USP13: variants seen among roughly 807,000 people sequenced by gnomAD.
USP13 encodes ubiquitin carboxyl-terminal hydrolase 13.
In USP13, 68 loss-of-function variants were observed where a neutral mutation model predicts 107.8. That is an observed-to-expected ratio of 0.63 (90% CI 0.52 to 0.77). The LOEUF is 0.77. USP13 is among the 30% of genes least tolerant of loss of function. The probability of loss-of-function intolerance (pLI) is 0.00; values close to 1 mark genes in which losing one functional copy is unlikely to be tolerated. For missense variants in USP13, 945 were observed against 1,093.3 expected, an observed-to-expected ratio of 0.86 and a Z score of 1.91; for synonymous variants, 377 against 389.5, an observed-to-expected ratio of 0.97 and a Z score of 0.38.
chr3:179,682,593 G>A (rs1561842), intron 2 of USP13, among the ~76,000 whole-genome samples: 86,181 of 151,932 alleles, frequency 0.57, 25,706 homozygotes, highest in Admixed American at 0.69. Flanking sequence ...TTTTCCCCTC[G>A]GCATCCAAAT....
At chr3:179,687,684 A>AAAAAAAAAAAAAAAAAAC (rs1711925625) in intron 2 of USP13, among the ~76,000 whole-genome samples, 1 of 144,396 alleles carries the variant, frequency 6.9e-6, no homozygotes, top group African/African-American at 2.6e-5. Context: ...AAAAAAAAAA[A>AAAAAAAAAAAAAAAAAAC]AGGACTAGTG....
At chr3:179,716,171 G>T (rs187789225) in intron 6 of USP13, among the ~76,000 whole-genome samples, 1 of 152,004 alleles carries the variant, frequency 6.6e-6, no homozygotes, top group East Asian at 1.9e-4. Context: ...TGATCCACCT[G>T]CCTTGGCCTC....
rs144495441 is a variant in USP13, at chr3:179,722,003, T to C, written c.1088+414T>C. Reference sequence around the variant, plus strand: ...ATCACTTGAACTCAGGAGGCAGAGGTTGCAGTGAGCCAAGATCATGCCACT... The same window carrying C: ...ATCACTTGAACTCAGGAGGCAGAGGCTGCAGTGAGCCAAGATCATGCCACT... On this transcript the variant is annotated intron_variant, in intron 8 of 20. Coordinates refer to ENST00000263966, the MANE Select transcript of USP13 (RefSeq NM_003940.3). 3.7e-3 allele frequency among the ~76,000 whole-genome samples: 558 copies of C among 150,902 alleles called. 4 individuals carry two copies. Among genetic ancestry groups the C allele is most frequent in the African/African-American group, 0.013 (536 of 40,992 alleles).
At chr3:179,688,485 A>G (rs915411237) in intron 2 of USP13, among the ~76,000 whole-genome samples, 2 of 152,234 alleles carry the variant, frequency 1.3e-5, no homozygotes, top group Admixed American at 1.3e-4. Flanking sequence ...TCTGAGCTCC[A>G]GCATAGAATC....
At chr3:179,745,814 C>T (rs1049383922) in intron 13 of USP13, among the ~76,000 whole-genome samples, 1 of 152,124 alleles carries the variant, frequency 6.6e-6, no homozygotes, top group East Asian at 1.9e-4. Context: ...CAGGAAGTCT[C>T]CTGAGCATTG....
rs964315938 is a variant in USP13 at position 179,659,514 on chromosome 3, T to C, written c.168+6121T>C. ...TGCATGATTCTGAGACATGCCAAAGTTTGAGACCGAGTGATAGGGCACTTA... is the reference window on the plus strand; with the variant it reads ...TGCATGATTCTGAGACATGCCAAAGCTTGAGACCGAGTGATAGGGCACTTA... On this transcript the variant is annotated intron_variant, in intron 1 of 20. Transcript: ENST00000263966. Among the ~76,000 whole-genome samples the C allele has an allele frequency of 1.2e-4, 19 of 152,268 alleles. No homozygotes were observed. The East Asian group carries it at 3.7e-3, about 29-fold the overall frequency.
At chr3:179,688,194 A>AATCCATCCATCC (rs1214610213) in intron 2 of USP13, among the ~76,000 whole-genome samples, 140 of 48,184 alleles carry the variant, frequency 2.9e-3, no homozygotes, top group African/African-American at 4.8e-3. Flanking sequence ...TCCATTCATC[A>AATCCATCCATCC]ATCCATCCAT....
intron 1 of USP13, among the ~76,000 whole-genome samples, chr3:179,673,915 G>A (rs534850714): frequency 6.6e-6 from 1 of 152,052 alleles, no homozygotes; most frequent in Non-Finnish European, 1.5e-5. Flanking sequence ...TTCTTGAGAC[G>A]GAGTTTCGCT....
Position 179,754,805 on chromosome 3 carries a change from A to G in USP13, c.1872A>G (p.Glu624=). The G allele has an allele frequency of 6.2e-7, 1 of 1,613,304 alleles. No individual in the cohort carries two copies. Among genetic ancestry groups the G allele is most frequent in the African/African-American group, 1.3e-5 (1 of 75,014 alleles). ...CCAGGGGGTTACAGCCAGGAGAGGA[A>G]GAACTTCCAGACATCAGCCCCCCCA... ...LRARGLQPGE[E]ELPDISPPIV... is the part of the protein sequence containing the mutation. Residue 624 remains glutamate, a synonymous_variant, in exon 15 of 21, where the codon GAA becomes GAG. Transcript: ENST00000263966.
intron 13 of USP13, among the ~76,000 whole-genome samples, chr3:179,751,042 C>T (rs1714594010): frequency 6.6e-6 from 1 of 152,154 alleles, no homozygotes; most frequent in South Asian, 2.1e-4. Context: ...GGAGGATATT[C>T]TAGAATTTTT....
chr3:179,700,071 A>C (rs1255152507), intron 3 of USP13, among the ~76,000 whole-genome samples: 2 of 152,114 alleles, frequency 1.3e-5, no homozygotes, highest in Non-Finnish European at 2.9e-5. Context: ...ATGATCTGGG[A>C]TGCTGGCATC....
chr3:179,676,836 C>T (rs1487536080), intron 1 of USP13, among the ~76,000 whole-genome samples: 9 of 152,198 alleles, frequency 5.9e-5, no homozygotes, highest in Non-Finnish European at 8.8e-5. Context: ...CACACTACCT[C>T]TGTGGCCAGC....
chr3:179,762,623 G>A (rs756910987), intron 17 of USP13, among the ~76,000 whole-genome samples: 1 of 152,040 alleles, frequency 6.6e-6, no homozygotes, highest in Non-Finnish European at 1.5e-5. Context: ...TATTTTATGG[G>A]TATACTATAT....
Position 179,714,870 on chromosome 3 carries a change from CTTTTTT to C in USP13, c.806-5061_806-5056del, listed in dbSNP as rs34976120. Among the ~76,000 whole-genome samples, 9 of 137,486 alleles carry C rather than the reference CTTTTTT, an allele frequency of 6.5e-5. 1 individual carries two copies. Among genetic ancestry groups the C allele is most frequent in the African/African-American group, 1.6e-4 (6 of 37,004 alleles). The allele number at this position is 137,486 out of a possible 152,430, so 90.2% of individuals were successfully genotyped here. A position where few individuals can be genotyped will look rare whatever the true frequency, so the allele number is the denominator to read the frequency against. ...GGCGGTTCTCTTTCTTTTCCTTTTTCTTTTTTTTTTTTTTGTTTGAGGCAGGGTCTC... is the reference window on the plus strand; with the variant it reads ...GGCGGTTCTCTTTCTTTTCCTTTTTCTTTTTTTTGTTTGAGGCAGGGTCTC... On this transcript the variant is annotated intron_variant, in intron 6 of 20. Coordinates refer to ENST00000263966, the MANE Select transcript of USP13 (RefSeq NM_003940.3).
intron 1 of USP13, among the ~76,000 whole-genome samples, chr3:179,671,751 C>T (rs989206903): frequency 1.3e-5 from 2 of 151,768 alleles, no homozygotes; most frequent in Admixed American, 6.6e-5. Context: ...TTTTCCTGTC[C>T]GCTCTTTTTT....
intron 10 of USP13, among the ~76,000 whole-genome samples, chr3:179,735,114 T>C (rs1713947880): frequency 6.6e-6 from 1 of 152,222 alleles, no homozygotes; most frequent in East Asian, 1.9e-4. Context: ...CTTAGTTGGA[T>C]GCTATTTTGG....
chr3:179,707,065 G>A lies in USP13; in HGVS notation c.609G>A (p.Arg203=), dbSNP rs571186101. The change falls in exon 5 of 21, where the codon AGG becomes AGA. Residue 203 remains arginine, a synonymous_variant. Transcript: ENST00000263966. ...TCACCCAGCTGGACAATGGAGTCAG[G>A]ATTCCTCCAAGGTGAGAGTCAGATA... ...NNLTQLDNGV[R]IPPSGWKCAR... 1.2e-6 allele frequency: 2 copies of A among 1,613,590 alleles called. No homozygotes were observed. Among genetic ancestry groups the A allele is most frequent in the Non-Finnish European group, 1.7e-6 (2 of 1,179,886 alleles).
In USP13 at chr3:179,721,508, C is replaced by T. The variant is rs200851300; in HGVS notation, c.1007C>T (p.Thr336Met). Residue 336 changes from threonine to methionine, a missense_variant, in exon 8 of 21, where the codon ACG becomes ATG. Physicochemically the swap from Thr to Met is moderately conservative, Grantham distance 81 (BLOSUM62 -1). Transcript: ENST00000263966. This position sits in a 1 kb window ranked among gnomAD's most constrained non-coding sequence, Gnocchi z 4.3. Reference protein sequence around the residue: ...KLKPMYGPGYTGLKNLGNSCY... With the variant: ...KLKPMYGPGYMGLKNLGNSCY... ...AAGCCAATGTATGGTCCTGGCTACACGGGTCTGAAGAACCTGGGCAACAGC... is the reference window on the plus strand; with the variant it reads ...AAGCCAATGTATGGTCCTGGCTACATGGGTCTGAAGAACCTGGGCAACAGC... The T allele has an allele frequency of 4.3e-6, 7 of 1,614,148 alleles. No homozygotes were observed. The East Asian group carries it at 8.9e-5, about 21-fold the overall frequency.
intron 19 of USP13, among the ~76,000 whole-genome samples, chr3:179,768,985 A>G (rs1161539739): frequency 6.6e-6 from 1 of 152,244 alleles, no homozygotes; most frequent in African/African-American, 2.4e-5. Flanking sequence ...ATATGAAAAG[A>G]CAAAATTAAA....
Sources: gnomAD v4.1 joint callset for allele counts (sites outside exome capture counted in the v4.1 genomes callset) on GRCh38, gnomAD v4.1.1 for gene constraint, Gnocchi (gnomAD v3.1) non-coding constraint, MANE v1.5 for transcripts, NCBI Gene and HGNC (gene_info 2026-07-23, HGNC 2026-07-21) for gene names.